DDX46: variants seen among roughly 807,000 people sequenced by gnomAD.
DDX46 encodes the protein probable ATP-dependent RNA helicase DDX46.
DDX46 carries 30 observed loss-of-function variants against 134.9 expected under a neutral mutation model. That is an observed-to-expected ratio of 0.22 (90% CI 0.17 to 0.30). The LOEUF (loss-of-function observed/expected upper bound fraction) is 0.30, where lower values mean the gene tolerates loss of function less well. Among genes scored for constraint, DDX46 ranks in the 10% least tolerant of loss-of-function variants. The pLI, the probability that DDX46 is intolerant of heterozygous loss-of-function variation, is 1.00. For synonymous variants in DDX46, 415 were observed against 404.1 expected (o/e 1.03, Z -0.32); for missense variants, 622 against 1,248.7 (o/e 0.50, Z 7.56).
chr5:134,788,772 C>A (rs180946751), intron 12 of DDX46, among the ~76,000 whole-genome samples, 181 bp downstream of exon 12: 1 of 151,994 alleles, frequency 6.6e-6, no homozygotes, highest in Admixed American at 6.6e-5. Flanking sequence ...TAGCTTGAAC[C>A]CGGGAGGCGG....
intron 18 of DDX46, among the ~76,000 whole-genome samples, chr5:134,814,361 G>A (rs1050459538): frequency 1.1e-4 from 17 of 152,046 alleles, no homozygotes; most frequent in African/African-American, 3.6e-4. Context: ...GATAAAATAC[G>A]GTGATTGTTT....
chr5:134,782,828 G>A (rs1352893353), intron 8 of DDX46, 117 bp from the exon 9 acceptor site: 3 of 1,320,494 alleles, frequency 2.3e-6, no homozygotes, highest in South Asian at 1.5e-5. Flanking sequence ...GATTACAGGT[G>A]TGAGCCGCTG....
intron 21 of DDX46, among the ~76,000 whole-genome samples, chr5:134,819,661 G>C (rs1755387168): frequency 6.6e-6 from 1 of 151,490 alleles, no homozygotes; most frequent in African/African-American, 2.4e-5. Context: ...CCCCCAAGTA[G>C]CTGGGACTAC....
intron 2 of DDX46, among the ~76,000 whole-genome samples, chr5:134,766,337 C>T (rs948263490): frequency 6.6e-6 from 1 of 152,162 alleles, no homozygotes; most frequent in Non-Finnish European, 1.5e-5. Context: ...GCAGGCAGAT[C>T]ACCTGCGGTT....
chr5:134,826,316 A>G (rs761484734), intron 21 of DDX46: 3 of 152,194 alleles, frequency 2.0e-5, no homozygotes, highest in Non-Finnish European at 2.9e-5. Context: ...CTGTGAATGA[A>G]TGTCTGCAGC....
chr5:134,817,956 T>G (rs1421410538), intron 20 of DDX46, among the ~76,000 whole-genome samples: 1 of 151,520 alleles, frequency 6.6e-6, no homozygotes, highest in African/African-American at 2.4e-5. Flanking sequence ...TTGTTGTTTT[T>G]TTTTTTTTTT....
intron 21 of DDX46, among the ~76,000 whole-genome samples, chr5:134,823,157 CTTTT>C (rs201053941): frequency 9.0e-6 from 1 of 111,218 alleles, no homozygotes; most frequent in African/African-American, 3.4e-5. Flanking sequence ...TTAATTTCAT[CTTTT>C]TTTTTTTTTT....
At chr5:134,805,721 C>G (rs955044433) in intron 15 of DDX46, among the ~76,000 whole-genome samples, 1 of 151,454 alleles carries the variant, frequency 6.6e-6, no homozygotes, top group Non-Finnish European at 1.5e-5. Flanking sequence ...TTAGAAGAGA[C>G]AGGGTTTCAC....
intron 9 of DDX46, among the ~76,000 whole-genome samples, chr5:134,783,961 A>C (rs541311033): frequency 1.3e-5 from 2 of 151,218 alleles, no homozygotes; most frequent in South Asian, 4.2e-4. Flanking sequence ...CTGGGATTTC[A>C]GTCATGAACC....
Position 134,777,669 on chromosome 5 carries a change from G to A in DDX46, c.709G>A (p.Glu237Lys). 1 of 1,613,294 alleles carries A rather than the reference G, an allele frequency of 6.2e-7. No individual in the cohort carries two copies. The highest frequency in any genetic ancestry group is 8.5e-7 in the Non-Finnish European group (1 of 1,179,828). ...AGATGCTTACATGGAAGAAGTGAAA[G>A]AGGAAGTAAAAAAATTTAACATGAG... ...PLDAYMEEVK[E>K]EVKKFNMRSV... The change falls in exon 6 of 23, where the codon GAG (glutamate) becomes AAG (lysine). Residue 237 changes from glutamate to lysine, a missense_variant. By Grantham distance (56) the Glu-to-Lys change is moderately conservative (BLOSUM62 1). This residue lies in a region of DDX46 where 244 missense variants were observed against 349.3 expected (regional missense o/e 0.70). Transcript: ENST00000452510.
intron 14 of DDX46, among the ~76,000 whole-genome samples, chr5:134,795,715 A>C (rs2150148642): frequency 6.6e-6 from 1 of 152,304 alleles, no homozygotes; most frequent in African/African-American, 2.4e-5. Flanking sequence ...AAGGAAAAAG[A>C]AATGTTACAT....
At chr5:134,795,862 C>G in intron 14 of DDX46, 126 bp from the exon 15 acceptor site, 1 of 890,542 alleles carries the variant, frequency 1.1e-6, no homozygotes, top group Non-Finnish European at 1.7e-6. Context: ...TCAACATCTT[C>G]CTAGCCCTTG....
intron 13 of DDX46, among the ~76,000 whole-genome samples, chr5:134,793,291 A>G (rs1754561034): frequency 6.6e-6 from 1 of 152,244 alleles, no homozygotes; most frequent in African/African-American, 2.4e-5. Flanking sequence ...TGTCATGTAA[A>G]TGAAAGCTAG....
rs1345521101 is a variant in DDX46, at chr5:134,794,884, G to A, written c.1661G>A (p.Arg554Gln). ...MRIVDNVRPD[R>Q]QTVMFSATFP... ...ATCGTGGATAATGTTCGTCCTGATCGACAGACGGTTATGTTTTCAGCTACT... is the reference window on the plus strand; with the variant it reads ...ATCGTGGATAATGTTCGTCCTGATCAACAGACGGTTATGTTTTCAGCTACT... Residue 554 changes from arginine (R) to glutamine (Q), a missense_variant, in exon 14 of 23, where the codon CGA (arginine) becomes CAA (glutamine). Arg to Gln is a conservative substitution (Grantham distance 43). Around this residue, in one of 8 missense-constraint regions of DDX46, gnomAD observed 209 missense variants for 508.4 expected, o/e 0.41. Coordinates refer to ENST00000452510, the MANE Select transcript of DDX46 (RefSeq NM_001300860.2). 1.9e-6 allele frequency: 3 copies of A among 1,614,002 alleles called. No homozygotes were observed. The highest frequency in any genetic ancestry group is 1.6e-4 in the Middle Eastern group (1 of 6,084).
At chr5:134,768,675 T>G (rs1753658690) in intron 3 of DDX46, among the ~76,000 whole-genome samples, 1 of 152,102 alleles carries the variant, frequency 6.6e-6, no homozygotes, top group African/African-American at 2.4e-5. Context: ...ACATTAAAAT[T>G]AAGAAATTTT....
intron 21 of DDX46, among the ~76,000 whole-genome samples, chr5:134,822,748 T>G (rs1263170724): frequency 2.6e-5 from 4 of 152,100 alleles, no homozygotes; most frequent in African/African-American, 9.7e-5. Context: ...GCTAAATTTT[T>G]GTATTTTTTG....
intron 16 of DDX46, among the ~76,000 whole-genome samples, chr5:134,810,975 C>T (rs1244542825): frequency 6.6e-6 from 1 of 151,974 alleles, no homozygotes; most frequent in Non-Finnish European, 1.5e-5. Context: ...CACTGCACTC[C>T]AGCCTGGGCA....
chr5:134,819,102 C>T (rs1476561830), intron 21 of DDX46, 98 bp downstream of exon 21: 2 of 1,319,272 alleles, frequency 1.5e-6, no homozygotes, highest in Non-Finnish European at 2.0e-6. Flanking sequence ...CTAGAGAGAA[C>T]TGAAAGTAAG....
chr5:134,812,059 CTTTTTTT>C (rs767502728), intron 18 of DDX46, among the ~76,000 whole-genome samples: 6 of 99,040 alleles, frequency 6.1e-5, no homozygotes, highest in Admixed American at 3.8e-4. Flanking sequence ...GTGAAAAGTC[CTTTTTTT>C]TTTTTTTTTT....
Sources: gnomAD v4.1 joint callset for allele counts (sites outside exome capture counted in the v4.1 genomes callset) on GRCh38, gnomAD v4.1.1 for gene constraint, gnomAD v4.1.1 regional missense constraint, MANE v1.5 for transcripts, NCBI Gene and HGNC (gene_info 2026-07-23, HGNC 2026-07-21) for gene names.